CHAMP1: variants seen among roughly 807,000 people sequenced by gnomAD.
CHAMP1 encodes the protein chromosome alignment maintaining phosphoprotein 1, also known as chromosome alignment-maintaining phosphoprotein 1.
In CHAMP1, 4 loss-of-function variants were observed where a neutral mutation model predicts 54.5. The observed-to-expected ratio is 0.07, with a 90% CI of 0.04 to 0.17. CHAMP1 has a LOEUF of 0.17. Among genes scored for constraint, CHAMP1 ranks in the 10% least tolerant of loss-of-function variants. The probability of loss-of-function intolerance (pLI) is 1.00; values close to 1 mark genes in which losing one functional copy is unlikely to be tolerated. For missense variants in CHAMP1, 994 were observed against 968.6 expected (o/e 1.03, Z -0.35); for synonymous variants, 368 against 342.2 (o/e 1.08, Z -0.83).
At chr13:114,315,039 A>G (rs1345907526) in intron 1 of CHAMP1, among the ~76,000 whole-genome samples, 2 of 152,210 alleles carry the variant, frequency 1.3e-5, no homozygotes, top group African/African-American at 2.4e-5. Context: ...TAAACCTGAT[A>G]AAGAGTTAAT....
chr13:114,320,955 C>CAAAAAAAAAAAAAAAAA (rs1233050968), intron 1 of CHAMP1, among the ~76,000 whole-genome samples, 155 bp from the exon 2 acceptor site: 8 of 122,464 alleles, frequency 6.5e-5, no homozygotes, highest in African/African-American at 2.6e-4. Flanking sequence ...GACTCTGTCT[C>CAAAAAAAAAAAAAAAAA]AAAAAAAAAA....
rs554886667 is a variant in CHAMP1 at position 114,327,038 on chromosome 13, A to G, written c.*757A>G. 2 of 129,732 alleles carry G rather than the reference A, an allele frequency of 1.5e-5. No homozygotes were observed. Among genetic ancestry groups the G allele is most frequent in the African/African-American group, 6.8e-5 (2 of 29,410 alleles). 8.0% of individuals were successfully genotyped at this position (129,732 alleles called of 1,614,324 possible). A position where few individuals can be genotyped will look rare whatever the true frequency, so the allele number is the denominator to read the frequency against. ...CACCCACCGCCTGCCAGCTCACACT[A>G]ATAGATGATTCTTAATTGCCAAATG... On this transcript the variant is annotated 3_prime_UTR_variant, in exon 3 of 3. Coordinates refer to ENST00000361283, the MANE Select transcript of CHAMP1 (RefSeq NM_032436.4).
chr13:114,318,664 A>G (rs547442666), intron 1 of CHAMP1, among the ~76,000 whole-genome samples: 1 of 151,966 alleles, frequency 6.6e-6, no homozygotes, highest in African/African-American at 2.4e-5. Context: ...CTACCTGACA[A>G]AGGAACTCGT....
At position 114,324,807 on chromosome 13, in the gene CHAMP1, C is replaced by A. The variant is rs1555379609; in HGVS notation, c.965C>A (p.Pro322His). 1 of 1,614,120 alleles carries A rather than the reference C, an allele frequency of 6.2e-7. No homozygotes were observed. The highest frequency in any genetic ancestry group is 8.5e-7 in the Non-Finnish European group (1 of 1,179,972). The change falls in exon 3 of 3, where the codon CCT (proline) becomes CAT (histidine). Residue 322 changes from proline to histidine, a missense_variant. Coordinates refer to ENST00000361283, the MANE Select transcript of CHAMP1 (RefSeq NM_032436.4). ...CCAGGGCCACCTGGGTCCCCTAGGC[C>A]TTGGAAATCCAATCCTTCAGCATCA... ...WKPGPPGSPR[P>H]WKSNPSASSG...
At position 114,314,526 on chromosome 13, in the gene CHAMP1, C is replaced by T. The variant is rs973540460; in HGVS notation, c.-296C>T. 51 of 151,804 alleles carry T rather than the reference C, an allele frequency of 3.4e-4. No homozygotes were observed. The highest frequency in any genetic ancestry group is 6.6e-4 in the Non-Finnish European group (45 of 67,900). The allele number at this position is 151,804 out of a possible 1,614,324, so 9.4% of individuals were successfully genotyped here. The stretch of plus-strand genomic sequence containing the variant: ...TCGCGCACCCGGATCCCGGCTCCTG[C>T]ATCCAGTCGCCATTCGGGAGGCCGC... On this transcript the variant is annotated 5_prime_UTR_variant, in exon 1 of 3. Transcript: ENST00000361283.
rs781911171 is a variant in CHAMP1 at position 114,324,486 on chromosome 13, C to A, written c.644C>A (p.Pro215His). 6.2e-7 allele frequency: 1 copy of A among 1,614,228 alleles called. No homozygotes were observed. Among genetic ancestry groups the A allele is most frequent in the South Asian group, 1.1e-5 (1 of 91,086 alleles). ...CCACAGAAACCTGCCCCTGTATCTC[C>A]TGAGTCAGTAAAGGCTACTCTTAGT... ...PEPQKPAPVS[P>H]ESVKATLSNP... Residue 215 changes from proline (P) to histidine (H), a missense_variant, in exon 3 of 3, where the codon CCT becomes CAT. Coordinates refer to ENST00000361283, the MANE Select transcript of CHAMP1 (RefSeq NM_032436.4).
rs897434529 is a variant in CHAMP1 at position 114,325,827 on chromosome 13, C to T, written c.1985C>T (p.Ser662Phe). The stretch of plus-strand genomic sequence containing the variant: ...GATCAAGAGCAGGTTGATGTGGAAT[C>T]CATTGATTTTAGCAAAGAGAACAAA... ...SSDQEQVDVE[S>F]IDFSKENKMD... The change falls in exon 3 of 3, where the codon TCC becomes TTC. Residue 662 changes from serine (S) to phenylalanine (F), a missense_variant. Coordinates refer to ENST00000361283, the MANE Select transcript of CHAMP1 (RefSeq NM_032436.4). 1.9e-6 allele frequency: 3 copies of T among 1,614,104 alleles called. No individual in the cohort carries two copies. The highest frequency in any genetic ancestry group is 2.5e-6 in the Non-Finnish European group (3 of 1,180,034).
chr13:114,318,910 C>G (rs1019911823), intron 1 of CHAMP1, among the ~76,000 whole-genome samples: 4 of 101,814 alleles, frequency 3.9e-5, no homozygotes, highest in Non-Finnish European at 7.1e-5. Context: ...TTGTTAGAGA[C>G]TCTCTTAAAG....
At position 114,324,258 on chromosome 13, in the gene CHAMP1, C is replaced by T. The variant is rs1555379397; in HGVS notation, c.416C>T (p.Ser139Leu). ...TCAATGGAAACACAGAAACTTGGTT[C>T]AGTTTTGTCTCCAGAATCGCCAAAA... ...ALSMETQKLGSVLSPESPKPT... is the reference protein window; with the variant it reads ...ALSMETQKLGLVLSPESPKPT... Residue 139 changes from serine (S) to leucine (L), a missense_variant, in exon 3 of 3, where the codon TCA becomes TTA. Around this residue, in one of 3 missense-constraint regions of CHAMP1, gnomAD observed 851 missense variants for 701.3 expected, o/e 1.21. Coordinates refer to ENST00000361283, the MANE Select transcript of CHAMP1 (RefSeq NM_032436.4). The T allele has an allele frequency of 6.2e-6, 10 of 1,614,058 alleles. No individual in the cohort carries two copies. The highest frequency in any genetic ancestry group is 8.5e-6 in the Non-Finnish European group (10 of 1,180,038).
chr13:114,318,866 T>G (rs2087133559), intron 1 of CHAMP1, among the ~76,000 whole-genome samples: 2 of 130,282 alleles, frequency 1.5e-5, no homozygotes, highest in Non-Finnish European at 3.1e-5. Flanking sequence ...CCTTTTTTTT[T>G]TTTTTTTTTT....
intron 1 of CHAMP1, among the ~76,000 whole-genome samples, chr13:114,317,890 T>G (rs750439598): frequency 2.0e-5 from 3 of 152,208 alleles, no homozygotes; most frequent in Non-Finnish European, 4.4e-5. Flanking sequence ...ATGATTAGAA[T>G]TTAGGTTTTT....
chr13:114,316,472 C>G (rs2087101066), intron 1 of CHAMP1, among the ~76,000 whole-genome samples: 1 of 151,560 alleles, frequency 6.6e-6, no homozygotes, highest in African/African-American at 2.4e-5. Flanking sequence ...CGCCTGTAGT[C>G]CCAGCTACTG....
At position 114,324,955 on chromosome 13, in the gene CHAMP1, A is replaced by G; in HGVS notation, c.1113A>G (p.Lys371=). The G allele has an allele frequency of 1.2e-6, 2 of 1,613,908 alleles. No individual in the cohort carries two copies. Among genetic ancestry groups the G allele is most frequent in the Non-Finnish European group, 1.7e-6 (2 of 1,179,980 alleles). The stretch of plus-strand genomic sequence containing the variant: ...CATCTGTGTCTTCTGCATCCTGGAA[A>G]TCTTCATCAGTCTCACCCAGCTCCT... The part of the protein sequence containing the change: ...PTPSVSSASW[K]SSSVSPSSWK... The change falls in exon 3 of 3, where the codon AAA becomes AAG. Residue 371 remains lysine, a synonymous_variant. Transcript: ENST00000361283.
rs781825160 is a variant in CHAMP1, at chr13:114,324,499, G to C, written c.657G>C (p.Lys219Asn). The stretch of plus-strand genomic sequence containing the variant: ...CCCCTGTATCTCCTGAGTCAGTAAA[G>C]GCTACTCTTAGTAATCCCAAACCCC... The part of the protein sequence containing the change: ...KPAPVSPESV[K>N]ATLSNPKPQK... Residue 219 changes from lysine to asparagine, a missense_variant, in exon 3 of 3, where the codon AAG becomes AAC. By Grantham distance (94) the Lys-to-Asn change is moderately conservative. This residue lies in a region of CHAMP1 where 851 missense variants were observed against 701.3 expected (regional missense o/e 1.21). Transcript: ENST00000361283. The C allele has an allele frequency of 6.8e-6, 11 of 1,613,984 alleles. No homozygotes were observed. Among genetic ancestry groups the C allele is most frequent in the Non-Finnish European group, 9.3e-6 (11 of 1,180,030 alleles).
rs2139418101 is a variant in CHAMP1 at position 114,323,927 on chromosome 13, G to A, written c.85G>A (p.Val29Ile). The A allele has an allele frequency of 1.1e-5, 17 of 1,614,200 alleles. No homozygotes were observed. Among genetic ancestry groups the A allele is most frequent in the Non-Finnish European group, 1.3e-5 (15 of 1,180,034 alleles). Residue 29 changes from valine to isoleucine, a missense_variant, in exon 3 of 3, where the codon GTA (valine) becomes ATA (isoleucine). Physicochemically the swap from Val to Ile is conservative, Grantham distance 29 (BLOSUM62 3). This residue lies in a region of CHAMP1 where 84 missense variants were observed against 120.7 expected (regional missense o/e 0.70). Transcript: ENST00000361283. ...CSFRGTDYEN[V>I]QIHMGTIHPE... ...TTTCAGAGGCACAGACTATGAAAATGTACAAATCCATATGGGTACCATCCA... is the reference window on the plus strand; with the variant it reads ...TTTCAGAGGCACAGACTATGAAAATATACAAATCCATATGGGTACCATCCA...
Position 114,326,272 on chromosome 13 carries a change from G to A in CHAMP1, c.2430G>A (p.Gln810=). Residue 810 remains glutamine (Q), a synonymous_variant, in exon 3 of 3, where the codon CAG becomes CAA. Transcript: ENST00000361283. ...CTCTTGAACCGCCACTGGAGGAGCA[G>A]CAAATTTGATAACACAGTGTGAATA... The part of the protein sequence containing the change: ...MEALEPPLEE[Q]QI The A allele has an allele frequency of 6.4e-7, 1 of 1,566,504 alleles. No individual in the cohort carries two copies. The highest frequency in any genetic ancestry group is 8.6e-7 in the Non-Finnish European group (1 of 1,159,224).
Position 114,321,109 on chromosome 13 carries a change from G to T in CHAMP1, c.-178-1G>T, listed in dbSNP as rs1479778695. On this transcript the variant is annotated splice_acceptor_variant, in intron 1 of 2. Transcript: ENST00000361283. LOFTEE classifies it low-confidence loss of function (5UTR_SPLICE). The stretch of plus-strand genomic sequence containing the variant: ...TTCTTTTTTTTTTTTTTTTTTTCCA[G>T]GTTCAACTTCTCATCTTTGTTCTTC... 4 of 137,946 alleles carry T rather than the reference G, an allele frequency of 2.9e-5. No individual in the cohort carries two copies. Among genetic ancestry groups the T allele is most frequent in the African/African-American group, 8.3e-5 (3 of 36,350 alleles). 8.5% of individuals were successfully genotyped at this position (137,946 alleles called of 1,614,324 possible). A position where few individuals can be genotyped will look rare whatever the true frequency, so the allele number is the denominator to read the frequency against.
In CHAMP1 at chr13:114,326,114, G is replaced by A; in HGVS notation, c.2272G>A (p.Ala758Thr). 1 of 1,613,008 alleles carries A rather than the reference G, an allele frequency of 6.2e-7. No homozygotes were observed. The highest frequency in any genetic ancestry group is 8.5e-7 in the Non-Finnish European group (1 of 1,179,480). Reference sequence around the variant, plus strand: ...GGAATCTCTCCTTAAAAATCATGTAGCAGCCCATGGGCAAAGTTTACTTAA... The same window carrying A: ...GGAATCTCTCCTTAAAAATCATGTAACAGCCCATGGGCAAAGTTTACTTAA... ...LLESLLKNHV[A>T]AHGQSLLKCP... The change falls in exon 3 of 3, where the codon GCA (alanine) becomes ACA (threonine). Residue 758 changes from alanine to threonine, a missense_variant. By Grantham distance (58) the Ala-to-Thr change is moderately conservative. Around this residue, in one of 3 missense-constraint regions of CHAMP1, gnomAD observed 59 missense variants for 146.7 expected, o/e 0.40. Coordinates refer to ENST00000361283, the MANE Select transcript of CHAMP1 (RefSeq NM_032436.4).
At chr13:114,315,602 CATT>C (rs2087086983) in intron 1 of CHAMP1, among the ~76,000 whole-genome samples, 2 of 152,178 alleles carry the variant, frequency 1.3e-5, no homozygotes, top group South Asian at 4.1e-4. Context: ...ACATTGAACA[CATT>C]ATGTTGAGTG....
Sources: gnomAD v4.1 joint callset for allele counts (sites outside exome capture counted in the v4.1 genomes callset) on GRCh38, gnomAD v4.1.1 for gene constraint, gnomAD v4.1.1 regional missense constraint, MANE v1.5 for transcripts, NCBI Gene and HGNC (gene_info 2026-07-23, HGNC 2026-07-21) for gene names.